Variants in MACROD2 observed in about 807,000 individuals in gnomAD.
MACROD2 encodes ADP-ribose glycohydrolase MACROD2.
In MACROD2, 36 loss-of-function variants were observed where a neutral mutation model predicts 70.4. The ratio of observed to expected loss-of-function variants is 0.51; its 90% CI spans 0.39 to 0.68. The LOEUF (loss-of-function observed/expected upper bound fraction) is 0.68. Ranked by LOEUF, MACROD2 falls within the 30% of genes least tolerant of loss-of-function variation. The pLI, the probability that MACROD2 is intolerant of heterozygous loss-of-function variation, is 0.00. For synonymous variants in MACROD2, 172 were observed against 178.8 expected (o/e 0.96, Z 0.30); for missense variants, 496 against 538.4 (o/e 0.92, Z 0.78).
At chr20:15,985,825 T>G (rs1186116706) in intron 13 of MACROD2, 2 of 152,350 alleles carry the variant, frequency 1.3e-5, no homozygotes, top group South Asian at 2.1e-4. Flanking sequence ...AAGGAAGGGC[T>G]TTATTCAGCT....
chr20:15,541,184 G>A (rs2047950603), intron 8 of MACROD2, among the ~76,000 whole-genome samples: 1 of 152,164 alleles, frequency 6.6e-6, no homozygotes. Flanking sequence ...AAGGGTTCAT[G>A]CAAATAGCAA....
chr20:14,698,792 T>A (rs1447687415), intron 5 of MACROD2, among the ~76,000 whole-genome samples: 1 of 149,136 alleles, frequency 6.7e-6, no homozygotes, highest in Non-Finnish European at 1.5e-5. Context: ...ATAATTACAT[T>A]TAATTATTTT....
intron 5 of MACROD2, among the ~76,000 whole-genome samples, chr20:15,031,755 G>A (rs182483224): frequency 9.2e-5 from 14 of 152,258 alleles, no homozygotes; most frequent in Non-Finnish European, 1.8e-4. Context: ...AGCCATAGGC[G>A]GGCCTGGAGG....
chr20:15,082,793 C>T (rs1420022431), intron 5 of MACROD2, among the ~76,000 whole-genome samples: 1 of 152,004 alleles, frequency 6.6e-6, no homozygotes. Flanking sequence ...TTCGCATTCT[C>T]TCACTGAGAA....
At chr20:15,894,801 T>C (rs929009449) in intron 10 of MACROD2, among the ~76,000 whole-genome samples, 1 of 152,194 alleles carries the variant, frequency 6.6e-6, no homozygotes, top group African/African-American at 2.4e-5. Context: ...AAGTTTAAAA[T>C]CGTTCAGAGG....
At chr20:15,449,171 G>A (rs557357053) in intron 7 of MACROD2, among the ~76,000 whole-genome samples, 1 of 152,178 alleles carries the variant, frequency 6.6e-6, no homozygotes, top group East Asian at 1.9e-4. Context: ...CCTGTTCCAT[G>A]GAACATACTG....
intron 7 of MACROD2, among the ~76,000 whole-genome samples, chr20:15,445,805 A>G (rs1006593736): frequency 3.9e-5 from 6 of 152,108 alleles, no homozygotes; most frequent in African/African-American, 1.4e-4. Context: ...AGAGTTGCTG[A>G]GTGACTTGGC....
intron 3 of MACROD2, among the ~76,000 whole-genome samples, chr20:14,305,966 T>C (rs2082517522): frequency 6.6e-6 from 1 of 151,178 alleles, no homozygotes; most frequent in East Asian, 1.9e-4. Context: ...TACTTGTGTT[T>C]CTCCCATTTA....
At chr20:14,230,373 C>T (rs775810299) in intron 3 of MACROD2, among the ~76,000 whole-genome samples, 1 of 151,944 alleles carries the variant, frequency 6.6e-6, no homozygotes, top group Non-Finnish European at 1.5e-5. Flanking sequence ...TTTCAACAGT[C>T]TACATAGCAT....
intron 3 of MACROD2, among the ~76,000 whole-genome samples, chr20:14,221,683 C>T (rs1430089309): frequency 1.3e-5 from 2 of 152,076 alleles, no homozygotes; most frequent in East Asian, 3.8e-4. Flanking sequence ...AAGTGATCAC[C>T]ATAATGAACA....
chr20:14,656,510 T>G (rs1985985095), intron 4 of MACROD2, among the ~76,000 whole-genome samples: 1 of 152,240 alleles, frequency 6.6e-6, no homozygotes, highest in African/African-American at 2.4e-5. Context: ...TTTTCCTCTC[T>G]CTATGATATA....
chr20:14,341,926 G>T (rs1317749920), intron 3 of MACROD2, among the ~76,000 whole-genome samples: 1 of 152,154 alleles, frequency 6.6e-6, no homozygotes, highest in East Asian at 1.9e-4. Context: ...TATATACAGT[G>T]GACCTTTGGC....
At chr20:14,842,021 T>C (rs190918865) in intron 5 of MACROD2, among the ~76,000 whole-genome samples, 4 of 111,920 alleles carry the variant, frequency 3.6e-5, no homozygotes, top group African/African-American at 1.4e-4. Context: ...AAAGAGGTTT[T>C]TTGTTTGTTT....
chr20:14,001,478 T>G (rs2052731952), intron 1 of MACROD2, among the ~76,000 whole-genome samples: 1 of 152,074 alleles, frequency 6.6e-6, no homozygotes, highest in South Asian at 2.1e-4. Context: ...GGTTGCCTTT[T>G]TTTGTGCTCT....
At chr20:15,354,982 A>G (rs2423948) in intron 6 of MACROD2, among the ~76,000 whole-genome samples, 102,328 of 152,098 alleles carry the variant, frequency 0.67, 35,144 homozygotes, top group African/African-American at 0.81. Context: ...CTAACAGGTG[A>G]CACTAATATT....
At position 14,978,851 on chromosome 20, in the gene MACROD2, A is replaced by AT. The variant is rs1260915116; in HGVS notation, c.419-251088dup. Among the ~76,000 whole-genome samples, 9 of 145,100 alleles carry AT rather than the reference A, an allele frequency of 6.2e-5. No homozygotes were observed. The South Asian group carries it at 1.5e-3, about 24-fold the overall frequency. ...CCTGTTTGCAAAGGAGGGTATTATT[A>AT]TATATATATATAATATATTATATAA... On this transcript the variant is annotated intron_variant, in intron 5 of 17. Coordinates refer to ENST00000684519, the MANE Select transcript of MACROD2 (RefSeq NM_001351661.2).
chr20:14,046,715 TTTTATTTATTTATTTA>T (rs57310891), intron 2 of MACROD2, among the ~76,000 whole-genome samples: 6 of 145,892 alleles, frequency 4.1e-5, no homozygotes, highest in South Asian at 4.4e-4. Flanking sequence ...AAGCATTCTC[TTTTATTTATTTATTTA>T]TTTATTTATT....
At chr20:14,336,186 CTTTA>C (rs1568565122) in intron 3 of MACROD2, among the ~76,000 whole-genome samples, 1 of 151,872 alleles carries the variant, frequency 6.6e-6, no homozygotes, top group Non-Finnish European at 1.5e-5. Flanking sequence ...TTTCTAGTGG[CTTTA>C]TTTATGTTGT....
chr20:14,783,268 G>T (rs1198585435), intron 5 of MACROD2, among the ~76,000 whole-genome samples: 1 of 152,132 alleles, frequency 6.6e-6, no homozygotes, highest in Non-Finnish European at 1.5e-5. Flanking sequence ...GAAGGTAGTT[G>T]TGTTTCCTGC....
Sources: allele counts gnomAD v4.1 joint callset (sites outside exome capture counted in the v4.1 genomes callset), GRCh38; gene constraint gnomAD v4.1.1; transcripts MANE v1.5; gene names NCBI Gene and HGNC (gene_info 2026-07-23, HGNC 2026-07-21).